Variants in TAOK3 observed in about 807,000 individuals in gnomAD.
TAOK3 encodes TAO kinase 3.
Under a neutral mutation model 120.4 loss-of-function variants are expected in TAOK3, and 40 were observed. That is an observed-to-expected ratio of 0.33 (90% CI 0.26 to 0.43). TAOK3 has a LOEUF of 0.43. Ranked by LOEUF, TAOK3 falls within the 20% of genes least tolerant of loss-of-function variation. The probability of loss-of-function intolerance (pLI) is 1.00; values close to 1 mark genes in which losing one functional copy is unlikely to be tolerated. For synonymous variants in TAOK3, 355 were observed against 387.5 expected, an observed-to-expected ratio of 0.92 and a Z score of 0.99; for missense variants, 821 against 1,112.1, an observed-to-expected ratio of 0.74 and a Z score of 3.72.
intron 13 of TAOK3, among the ~76,000 whole-genome samples, chr12:118,192,891 TAAG>T (rs1476555689): frequency 2.6e-5 from 4 of 152,138 alleles, no homozygotes; most frequent in Non-Finnish European, 5.9e-5. Flanking sequence ...TTTAGAAGAT[TAAG>T]AAGAATAAAT....
chr12:118,163,931 C>G (rs1051364026), intron 17 of TAOK3, among the ~76,000 whole-genome samples: 33 of 151,948 alleles, frequency 2.2e-4, no homozygotes, highest in African/African-American at 7.0e-4. Context: ...AGGCTGGTCT[C>G]GAACTCCCGA....
intron 2 of TAOK3, among the ~76,000 whole-genome samples, chr12:118,259,383 T>C (rs1040978524): frequency 1.3e-5 from 2 of 151,912 alleles, no homozygotes; most frequent in Non-Finnish European, 2.9e-5. Context: ...CTACAAAAGA[T>C]ACAAAAACTT....
chr12:118,306,768 A>G (rs1357954308), intron 1 of TAOK3, among the ~76,000 whole-genome samples: 2 of 152,220 alleles, frequency 1.3e-5, no homozygotes, highest in Non-Finnish European at 2.9e-5. Flanking sequence ...TAATCATTCA[A>G]TTGTAAAGTA....
At chr12:118,202,614 G>A (rs1565941470) in intron 11 of TAOK3, among the ~76,000 whole-genome samples, 1 of 151,898 alleles carries the variant, frequency 6.6e-6, no homozygotes, top group African/African-American at 2.4e-5. Flanking sequence ...CCAATAATTA[G>A]TGAATGTTGA....
chr12:118,150,975 GTA>G lies in TAOK3; in HGVS notation c.*20_*21del. The G allele has an allele frequency of 1.7e-6, 1 of 583,958 alleles. No homozygotes were observed. Among genetic ancestry groups the G allele is most frequent in the East Asian group, 4.8e-5 (1 of 20,894 alleles). The allele number at this position is 583,958 out of a possible 1,614,324, so 36.2% of individuals were successfully genotyped here. A position where few individuals can be genotyped will look rare whatever the true frequency, so the allele number is the denominator to read the frequency against. ...TGTTTTCTTTTTTTTTTTTTTTTTT[GTA>G]AATGGCAAAAAATTTAATCTCATCT... On this transcript the variant is annotated 3_prime_UTR_variant, in exon 21 of 21. Coordinates refer to ENST00000392533, the MANE Select transcript of TAOK3 (RefSeq NM_016281.4).
chr12:118,203,847 G>T (rs896917564), intron 11 of TAOK3, among the ~76,000 whole-genome samples: 15 of 152,132 alleles, frequency 9.9e-5, no homozygotes, highest in African/African-American at 3.4e-4. Flanking sequence ...ATGACTAACA[G>T]ACCTATCAAC....
intron 13 of TAOK3, 32 bp downstream of exon 13, chr12:118,199,019 C>T (rs1308760343): frequency 1.2e-6 from 2 of 1,612,314 alleles, no homozygotes; most frequent in South Asian, 1.1e-5. Flanking sequence ...ATTGACAAAG[C>T]TCACCTCTGT....
chr12:118,189,938 G>C lies in TAOK3; in HGVS notation c.1198C>G (p.His400Asp). 6.2e-7 allele frequency: 1 copy of C among 1,613,962 alleles called. No homozygotes were observed. The highest frequency in any genetic ancestry group is 1.7e-5 in the Admixed American group (1 of 60,006). ...CCCGCCTCATCCCTTATGAATACAT[G>C]ATCCTGCAGAAATGGATAAAAACAA... ...SSSSVVHKKD[H>D]VFIRDEAGHG... The change falls in exon 14 of 21, where the codon CAT (histidine) becomes GAT (aspartate). Residue 400 changes from histidine (H) to aspartate (D), a missense_variant. His to Asp is a moderately conservative substitution (Grantham distance 81, BLOSUM62 -1). Around this residue, in one of 2 missense-constraint regions of TAOK3, gnomAD observed 467 missense variants for 540.0 expected, o/e 0.86. Coordinates refer to ENST00000392533, the MANE Select transcript of TAOK3 (RefSeq NM_016281.4).
intron 1 of TAOK3, among the ~76,000 whole-genome samples, chr12:118,330,894 A>T (rs1474973138): frequency 2.6e-5 from 4 of 152,134 alleles, no homozygotes; most frequent in Non-Finnish European, 2.9e-5. Context: ...ACTGCCATAA[A>T]CTGTGTGAAA....
At chr12:118,209,719 T>TC (rs1217817544) in intron 11 of TAOK3, among the ~76,000 whole-genome samples, 65 of 146,672 alleles carry the variant, frequency 4.4e-4, no homozygotes, top group African/African-American at 1.2e-3. Context: ...TTCTTCTTCT[T>TC]TTTTTTTTTT....
chr12:118,362,317 T>TA (rs10652375), intron 1 of TAOK3, among the ~76,000 whole-genome samples: 14,788 of 105,396 alleles, frequency 0.14, 1,344 homozygotes, highest in African/African-American at 0.25. Flanking sequence ...GCTGATGGGC[T>TA]AAAAAAAAAA....
At chr12:118,211,568 T>C (rs573851897) in intron 11 of TAOK3, among the ~76,000 whole-genome samples, 1 of 152,078 alleles carries the variant, frequency 6.6e-6, no homozygotes, top group Admixed American at 6.6e-5. Flanking sequence ...TTTTGTTGTC[T>C]GTAACCCTTA....
chr12:118,168,982 T>C (rs1416836645), intron 17 of TAOK3, among the ~76,000 whole-genome samples: 1 of 146,564 alleles, frequency 6.8e-6, no homozygotes, highest in Non-Finnish European at 1.5e-5. Flanking sequence ...CCTTCCTTCC[T>C]TCCTTCCTTC....
intron 1 of TAOK3, among the ~76,000 whole-genome samples, chr12:118,364,322 T>C (rs555050876): frequency 6.6e-6 from 1 of 152,264 alleles, no homozygotes; most frequent in African/African-American, 2.4e-5. Flanking sequence ...AAAATTGTCA[T>C]GGCTGTCCTT....
intron 1 of TAOK3, among the ~76,000 whole-genome samples, chr12:118,335,286 G>T (rs1389602642): frequency 6.6e-6 from 1 of 151,964 alleles, no homozygotes; most frequent in Non-Finnish European, 1.5e-5. Context: ...TATCAGAAGT[G>T]AGACAGGAGG....
At chr12:118,306,558 C>T (rs1010047124) in intron 1 of TAOK3, among the ~76,000 whole-genome samples, 10 of 152,090 alleles carry the variant, frequency 6.6e-5, no homozygotes, top group African/African-American at 9.6e-5. Flanking sequence ...GGATGTGAAA[C>T]GTTTCATAAT....
intron 14 of TAOK3, among the ~76,000 whole-genome samples, chr12:118,183,994 G>C (rs1211362958): frequency 6.6e-6 from 1 of 152,154 alleles, no homozygotes; most frequent in Non-Finnish European, 1.5e-5. Flanking sequence ...TCAGTTGGTG[G>C]GTGGGTGTCT....
chr12:118,241,197 T>C (rs1358586783), intron 5 of TAOK3, among the ~76,000 whole-genome samples: 1 of 151,556 alleles, frequency 6.6e-6, no homozygotes, highest in East Asian at 1.9e-4. Flanking sequence ...AAGTTTAAAA[T>C]TTAGAAACCA....
At chr12:118,167,908 T>C (rs1255172389) in intron 17 of TAOK3, among the ~76,000 whole-genome samples, 1 of 152,222 alleles carries the variant, frequency 6.6e-6, no homozygotes, top group Non-Finnish European at 1.5e-5. Context: ...TTTACCAGCG[T>C]GGCTCTTCAT....
Sources: gnomAD v4.1 joint callset for allele counts (sites outside exome capture counted in the v4.1 genomes callset) on GRCh38, gnomAD v4.1.1 for gene constraint, gnomAD v4.1.1 regional missense constraint, MANE v1.5 for transcripts, NCBI Gene and HGNC (gene_info 2026-07-23, HGNC 2026-07-21) for gene names.